The following TXNDC9 variants were observed in gnomAD, a reference collection of about 807,000 sequenced individuals.
TXNDC9 encodes thioredoxin domain containing 9.
A neutral mutation model predicts 23.0 loss-of-function variants in TXNDC9; 7 were observed. That is an observed-to-expected ratio of 0.30 (90% CI 0.17 to 0.57). The LOEUF (loss-of-function observed/expected upper bound fraction) is 0.57. Among genes scored for constraint, TXNDC9 ranks in the 20% least tolerant of loss-of-function variants. The pLI, the probability that TXNDC9 is intolerant of heterozygous loss-of-function variation, is 0.90. For missense variants in TXNDC9, 198 were observed against 252.6 expected (o/e 0.78, Z 1.47); for synonymous variants, 72 against 90.6 (o/e 0.79, Z 1.17).
At chr2:99,328,311 A>G (rs1036829994) in intron 2 of TXNDC9, among the ~76,000 whole-genome samples, 10 of 146,860 alleles carry the variant, frequency 6.8e-5, no homozygotes, top group Admixed American at 4.8e-4. Context: ...TATATCGCCC[A>G]GGCTGGTGTC....
intron 1 of TXNDC9, among the ~76,000 whole-genome samples, chr2:99,334,270 CT>C (rs2094233251): frequency 6.7e-6 from 1 of 148,716 alleles, no homozygotes; most frequent in Non-Finnish European, 1.5e-5. Context: ...AGGAGGATAC[CT>C]TGAGCCCAGG....
intron 4 of TXNDC9, 38 bp downstream of exon 4, chr2:99,321,916 TA>T (rs2094202779): frequency 6.5e-7 from 1 of 1,543,900 alleles, no homozygotes; most frequent in African/African-American, 1.4e-5. Flanking sequence ...ATCAACTATA[TA>T]TGAATTAAAA....
intron 2 of TXNDC9, among the ~76,000 whole-genome samples, chr2:99,332,575 A>G (rs1559237182): frequency 6.6e-6 from 1 of 152,254 alleles, no homozygotes; most frequent in East Asian, 1.9e-4. Context: ...CCTTTGTTAC[A>G]AAGCATGCAT....
downstream of TXNDC9, among the ~76,000 whole-genome samples, chr2:99,315,229 A>ATT (rs745742076): frequency 2.0e-4 from 30 of 147,416 alleles, no homozygotes; most frequent in East Asian, 3.6e-3. Flanking sequence ...TACCCGGCTA[A>ATT]TTTTTTTTTT....
chr2:99,308,834 C>T, the TXNDC9 span, among the ~76,000 whole-genome samples: 27 of 152,072 alleles, frequency 1.8e-4, no homozygotes, highest in Admixed American at 9.8e-4. Flanking sequence ...GCCTCAGCCT[C>T]CCAAGTAGCT....
chr2:99,314,318 C>G (rs2094183707), downstream of TXNDC9, among the ~76,000 whole-genome samples: 2 of 152,114 alleles, frequency 1.3e-5, no homozygotes, highest in African/African-American at 4.8e-5. Context: ...ATTCAACCAA[C>G]AGCAGATGGA....
chr2:99,314,592 G>A (rs550428614), downstream of TXNDC9, among the ~76,000 whole-genome samples: 24 of 139,478 alleles, frequency 1.7e-4, no homozygotes, highest in South Asian at 6.9e-4. Context: ...GTGCAGTGGC[G>A]CGATCTTGGC....
At chr2:99,314,189 A>G (rs958161504), downstream of TXNDC9, among the ~76,000 whole-genome samples, 2 of 152,068 alleles carry the variant, frequency 1.3e-5, no homozygotes, top group African/African-American at 4.8e-5. Context: ...GCAGCCTTTA[A>G]AACTGTGAAT....
rs1559232697 is a variant in TXNDC9, at chr2:99,319,045, T to G, written c.*637A>C. 1 of 152,262 alleles carries G rather than the reference T, an allele frequency of 6.6e-6. No homozygotes were observed. Among genetic ancestry groups the G allele is most frequent in the Non-Finnish European group, 1.5e-5 (1 of 68,054 alleles). 9.4% of individuals were successfully genotyped at this position (152,262 alleles called of 1,614,324 possible). A position where few individuals can be genotyped will look rare whatever the true frequency, so the allele number is the denominator to read the frequency against. ...AAACTTCCAGTTACAGGTATTTTAT[T>G]GAGCAGAGACAGTGAAGTTCCTTAT... On this transcript the variant is annotated 3_prime_UTR_variant, in exon 5 of 5. Transcript: ENST00000264255.
the TXNDC9 span, among the ~76,000 whole-genome samples, chr2:99,308,132 C>A: frequency 6.6e-6 from 1 of 152,140 alleles, no homozygotes; most frequent in African/African-American, 2.4e-5. Flanking sequence ...ATAGGATGAT[C>A]CTTCCTGGAG....
At chr2:99,332,426 C>G (rs2094228282) in intron 2 of TXNDC9, among the ~76,000 whole-genome samples, 1 of 152,084 alleles carries the variant, frequency 6.6e-6, no homozygotes, top group Non-Finnish European at 1.5e-5. Context: ...CAGGGTGTCA[C>G]AGCGAGACTC....
rs2094240473 is a variant in TXNDC9 at position 99,336,326 on chromosome 2, G to A, written c.-120C>T. ...GGCTTTTGCCTTGCAGTAGCTGCCG[G>A]CGGCTGCAAACGGGCCGTCACATCC... On this transcript the variant is annotated 5_prime_UTR_variant, in exon 1 of 5. Transcript: ENST00000264255. 3 of 985,366 alleles carry A rather than the reference G, an allele frequency of 3.0e-6. No homozygotes were observed. Among genetic ancestry groups the A allele is most frequent in the East Asian group, 1.1e-4 (1 of 8,824 alleles). 61.0% of individuals were successfully genotyped at this position (985,366 alleles called of 1,614,324 possible).
chr2:99,321,176 G>C (rs2094200836), intron 4 of TXNDC9: 1 of 152,124 alleles, frequency 6.6e-6, no homozygotes, highest in Non-Finnish European at 1.5e-5. Context: ...ATGTCTAGGA[G>C]AGTCAGAGAA....
intron 2 of TXNDC9, among the ~76,000 whole-genome samples, chr2:99,328,646 A>G (rs1013315049): frequency 2.0e-5 from 3 of 152,150 alleles, no homozygotes; most frequent in Non-Finnish European, 4.4e-5. Flanking sequence ...TAAAACCAGA[A>G]GCATTTGATC....
downstream of TXNDC9, among the ~76,000 whole-genome samples, chr2:99,316,904 C>T (rs2094190330): frequency 6.6e-6 from 1 of 152,072 alleles, no homozygotes; most frequent in African/African-American, 2.4e-5. Flanking sequence ...CTACAGGCGC[C>T]CGCCACCACG....
At chr2:99,315,672 C>A (rs1278065288), downstream of TXNDC9, among the ~76,000 whole-genome samples, 1 of 152,056 alleles carries the variant, frequency 6.6e-6, no homozygotes, top group African/African-American at 2.4e-5. Context: ...TGTTACATTT[C>A]GAGTTTAACT....
At chr2:99,328,478 C>G (rs2094217903) in intron 2 of TXNDC9, among the ~76,000 whole-genome samples, 1 of 152,128 alleles carries the variant, frequency 6.6e-6, no homozygotes, top group Non-Finnish European at 1.5e-5. Flanking sequence ...AGTCTACGGA[C>G]AGTGAACGTC....
At chr2:99,320,348 T>C (rs2094198608) in intron 4 of TXNDC9, among the ~76,000 whole-genome samples, 1 of 152,154 alleles carries the variant, frequency 6.6e-6, no homozygotes, top group Admixed American at 6.5e-5. Flanking sequence ...AACATTTGGT[T>C]AACACAGTGC....
chr2:99,322,480 T>A, intron 3 of TXNDC9: 1 of 1,370,894 alleles, frequency 7.3e-7, no homozygotes, highest in South Asian at 1.7e-5. Context: ...CTTTAAGTCA[T>A]AAAGGAAGTT....
Sources: allele counts gnomAD v4.1 joint callset (sites outside exome capture counted in the v4.1 genomes callset), GRCh38; gene constraint gnomAD v4.1.1; transcripts MANE v1.5; gene names NCBI Gene and HGNC (gene_info 2026-07-23, HGNC 2026-07-21).